Variants in TRIM37 observed in about 807,000 individuals in gnomAD.
TRIM37 encodes the protein E3 ubiquitin-protein ligase TRIM37.
In TRIM37, 80 loss-of-function variants were observed where a neutral mutation model predicts 129.8. The ratio of observed to expected loss-of-function variants is 0.62; its 90% CI spans 0.51 to 0.74. The LOEUF (loss-of-function observed/expected upper bound fraction) is 0.74, where lower values mean the gene tolerates loss of function less well. Ranked by LOEUF, TRIM37 falls within the 30% of genes least tolerant of loss-of-function variation. The probability of loss-of-function intolerance (pLI) is 0.00; values close to 1 mark genes in which losing one functional copy is unlikely to be tolerated. For synonymous variants in TRIM37, 389 were observed against 387.1 expected, an observed-to-expected ratio of 1.00 and a Z score of -0.06; for missense variants, 1,054 against 1,176.5, an observed-to-expected ratio of 0.90 and a Z score of 1.52.
chr17:59,080,662 G>C (rs911035972), intron 6 of TRIM37, among the ~76,000 whole-genome samples: 2 of 152,046 alleles, frequency 1.3e-5, no homozygotes. Context: ...GTGGTGGTGG[G>C]CACCTGTAAT....
At chr17:59,070,633 T>C (rs1294512866) in intron 9 of TRIM37, among the ~76,000 whole-genome samples, 190 bp downstream of exon 9, 2 of 151,820 alleles carry the variant, frequency 1.3e-5, no homozygotes, top group African/African-American at 2.4e-5. Flanking sequence ...CCCTAGTAAT[T>C]TGGGGGGTCA....
chr17:58,993,522 A>G (rs1196986648), downstream of TRIM37, among the ~76,000 whole-genome samples: 5 of 152,240 alleles, frequency 3.3e-5, no homozygotes, highest in East Asian at 1.9e-4. Flanking sequence ...CACTTTGCGA[A>G]GCGAGAGGTC....
At position 59,088,312 on chromosome 17, in the gene TRIM37, T is replaced by G; in HGVS notation, c.260A>C (p.His87Pro). 6.2e-7 allele frequency: 1 copy of G among 1,612,146 alleles called. No individual in the cohort carries two copies. Among genetic ancestry groups the G allele is most frequent in the Non-Finnish European group, 8.5e-7 (1 of 1,178,414 alleles). ...DTLQLCSLTK[H>P]EENEKDKCEN... ...ATACTTGTCCTTTTCATTTTCTTCATGTTTGGTGAGACTGCAGAGTTGAAG... is the reference window on the plus strand; with the variant it reads ...ATACTTGTCCTTTTCATTTTCTTCAGGTTTGGTGAGACTGCAGAGTTGAAG... Residue 87 changes from histidine to proline, a missense_variant, in exon 4 of 24, where the codon CAT becomes CCT. Around this residue, in one of 3 missense-constraint regions of TRIM37, gnomAD observed 752 missense variants for 870.8 expected, o/e 0.86. Transcript: ENST00000262294.
chr17:59,091,488 AATATATT>A (rs2044315465), intron 2 of TRIM37, 148 bp from the exon 3 acceptor site: 1 of 146,940 alleles, frequency 6.8e-6, no homozygotes. Context: ...TATAATATAT[AATATATT>A]ATTATATAAC....
intron 19 of TRIM37, among the ~76,000 whole-genome samples, chr17:59,020,478 G>C (rs1341581384): frequency 6.6e-6 from 1 of 151,624 alleles, no homozygotes; most frequent in Non-Finnish European, 1.5e-5. Flanking sequence ...TAAGAAAATA[G>C]AATAAATGAC....
Position 58,998,988 on chromosome 17 carries a change from C to T in TRIM37, c.*389G>A. On this transcript the variant is annotated 3_prime_UTR_variant, in exon 24 of 24. Coordinates refer to ENST00000262294, the MANE Select transcript of TRIM37 (RefSeq NM_015294.6). The stretch of plus-strand genomic sequence containing the variant: ...AGATGATTATTTAAACACAACTAAG[C>T]TCTAGCCAAAGACAGTAGAGCACCA... The T allele has an allele frequency of 9.3e-7, 1 of 1,079,176 alleles. No individual in the cohort carries two copies. Among genetic ancestry groups the T allele is most frequent in the Non-Finnish European group, 1.1e-6 (1 of 885,558 alleles). 66.9% of individuals were successfully genotyped at this position (1,079,176 alleles called of 1,614,324 possible).
intron 5 of TRIM37, among the ~76,000 whole-genome samples, chr17:59,082,806 T>G (rs1167094704): frequency 6.6e-6 from 1 of 152,226 alleles, no homozygotes; most frequent in Non-Finnish European, 1.5e-5. Flanking sequence ...TTTTTACATG[T>G]TCACTTTAAG....
intron 24 of TRIM37, among the ~76,000 whole-genome samples, chr17:58,989,000 C>T (rs2032087477): frequency 6.6e-6 from 1 of 152,196 alleles, no homozygotes; most frequent in African/African-American, 2.4e-5. Flanking sequence ...GGAAAGGCCT[C>T]CTTACTTTCA....
chr17:59,047,642 TAC>T, intron 16 of TRIM37, 39 bp downstream of exon 16: 5 of 1,593,248 alleles, frequency 3.1e-6, no homozygotes, highest in Non-Finnish European at 4.3e-6. Flanking sequence ...TTCTAATAAT[TAC>T]CACTTAAATG....
chr17:59,060,309 A>G (rs2041364501), intron 12 of TRIM37, among the ~76,000 whole-genome samples: 1 of 151,744 alleles, frequency 6.6e-6, no homozygotes, highest in Non-Finnish European at 1.5e-5. Flanking sequence ...TCCAGTGTCT[A>G]GAAAATGTTG....
intron 17 of TRIM37, among the ~76,000 whole-genome samples, chr17:59,034,681 A>G (rs2038267286): frequency 6.6e-6 from 1 of 151,988 alleles, no homozygotes; most frequent in Admixed American, 6.6e-5. Flanking sequence ...CTTTCTACCC[A>G]CTATCACATT....
intron 1 of TRIM37, 107 bp downstream of exon 1, chr17:59,106,334 G>A (rs2045988429): frequency 1.5e-6 from 2 of 1,316,564 alleles, no homozygotes; most frequent in Admixed American, 1.9e-5. Flanking sequence ...CGGCAGGGGC[G>A]GGGTAGGGGT....
At chr17:59,078,877 A>G (rs746481223) in intron 7 of TRIM37, among the ~76,000 whole-genome samples, 22 of 152,190 alleles carry the variant, frequency 1.4e-4, no homozygotes, top group Non-Finnish European at 3.1e-4. Context: ...ACTAAAAATC[A>G]GATATTAAAT....
downstream of TRIM37, among the ~76,000 whole-genome samples, chr17:58,978,354 C>A (rs1403976159): frequency 1.3e-5 from 2 of 152,036 alleles, no homozygotes; most frequent in Non-Finnish European, 2.9e-5. Context: ...ATTTATGATA[C>A]CCTACTCTAG....
At position 58,988,918 on chromosome 17, in the gene TRIM37, G is replaced by A. The variant is rs899825042; in HGVS notation, c.2892-5997C>T. The stretch of plus-strand genomic sequence containing the variant: ...TTTGGTTCTTGCCATTAAAAAATGC[G>A]AAAACCACAATTACTTTTCCACCAG... On this transcript the variant is annotated intron_variant, in intron 24 of 24. Transcript: ENST00000393066. 2.0e-4 allele frequency among the ~76,000 whole-genome samples: 30 copies of A among 152,166 alleles called. 1 individual carries two copies. The highest frequency in any genetic ancestry group is 8.3e-4 in the South Asian group (4 of 4,828).
At chr17:58,984,287 C>G (rs190252754) in intron 24 of TRIM37, 1 of 152,698 alleles carries the variant, frequency 6.5e-6, no homozygotes, top group African/African-American at 2.4e-5. Context: ...CAACCACACT[C>G]CACTGTTGAA....
In TRIM37 at chr17:58,999,094, A is replaced by C. The variant is rs1372913882; in HGVS notation, c.*283T>G. ...TAACCAGCCTTCTGCTGTAGTAGACAAACTGCCTTTTGTGAATGTACAAAT... is the reference window on the plus strand; with the variant it reads ...TAACCAGCCTTCTGCTGTAGTAGACCAACTGCCTTTTGTGAATGTACAAAT... On this transcript the variant is annotated 3_prime_UTR_variant, in exon 24 of 24. Coordinates refer to ENST00000262294, the MANE Select transcript of TRIM37 (RefSeq NM_015294.6). 3.2e-6 allele frequency: 4 copies of C among 1,241,944 alleles called. No homozygotes were observed. The East Asian group carries it at 1.8e-4, about 55-fold the overall frequency. The allele number at this position is 1,241,944 out of a possible 1,614,324, so 76.9% of individuals were successfully genotyped here.
intron 18 of TRIM37, among the ~76,000 whole-genome samples, chr17:59,030,727 A>G (rs1264322521): frequency 2.0e-5 from 3 of 152,220 alleles, no homozygotes; most frequent in African/African-American, 7.2e-5. Flanking sequence ...TTATTCAGCT[A>G]TAACTGTATT....
chr17:59,009,508 C>T (rs910278117), intron 22 of TRIM37, among the ~76,000 whole-genome samples: 6 of 147,920 alleles, frequency 4.1e-5, no homozygotes, highest in Non-Finnish European at 8.9e-5. Flanking sequence ...CGCAATGGTG[C>T]GATCTCAGCT....
Sources: gnomAD v4.1 joint callset for allele counts (sites outside exome capture counted in the v4.1 genomes callset) on GRCh38, gnomAD v4.1.1 for gene constraint, gnomAD v4.1.1 regional missense constraint, MANE v1.5 for transcripts, NCBI Gene and HGNC (gene_info 2026-07-23, HGNC 2026-07-21) for gene names.